The following MEGF9 variants were observed in gnomAD, a reference collection of about 807,000 sequenced individuals.
The protein encoded by MEGF9 is multiple EGF like domains 9.
Under a neutral mutation model 46.8 loss-of-function variants are expected in MEGF9, and 6 were observed. The ratio of observed to expected loss-of-function variants is 0.13; its 90% confidence interval spans 0.07 to 0.25. The LOEUF is 0.25. Ranked by LOEUF, MEGF9 falls within the 10% of genes least tolerant of loss-of-function variation. The pLI is 1.00. For missense variants in MEGF9, 683 were observed against 792.4 expected, an observed-to-expected ratio of 0.86 and a Z score of 1.66; for synonymous variants, 302 against 330.7, an observed-to-expected ratio of 0.91 and a Z score of 0.94.
At chr9:120,613,567 T>TA (rs1430384144) in intron 3 of MEGF9, among the ~76,000 whole-genome samples, 1 of 151,468 alleles carries the variant, frequency 6.6e-6, no homozygotes, top group Admixed American at 6.6e-5. Context: ...AAAGTAAAAA[T>TA]AAAAACAATT....
intron 1 of MEGF9, among the ~76,000 whole-genome samples, chr9:120,661,232 T>C (rs1482952133): frequency 2.0e-5 from 3 of 152,156 alleles, no homozygotes; most frequent in African/African-American, 4.8e-5. Flanking sequence ...AACAAATAAA[T>C]AGACCAGGCA....
intron 2 of MEGF9, among the ~76,000 whole-genome samples, chr9:120,644,304 T>C (rs1359407177): frequency 3.9e-5 from 6 of 152,204 alleles, no homozygotes; most frequent in Non-Finnish European, 7.4e-5. Flanking sequence ...GTCTGATCTC[T>C]TGTCACAATT....
intron 1 of MEGF9, among the ~76,000 whole-genome samples, chr9:120,697,911 T>G (rs755405142): frequency 6.6e-6 from 1 of 152,156 alleles, no homozygotes; most frequent in Non-Finnish European, 1.5e-5. Flanking sequence ...CTGTAACTAC[T>G]AAATGCTTTA....
At chr9:120,710,466 T>C (rs1327535789) in intron 1 of MEGF9, among the ~76,000 whole-genome samples, 1 of 137,272 alleles carries the variant, frequency 7.3e-6, no homozygotes, top group Admixed American at 7.3e-5. Context: ...AGCCAACCAA[T>C]CAGTGAATGT....
chr9:120,706,870 G>T (rs775255023), intron 1 of MEGF9, among the ~76,000 whole-genome samples: 10 of 152,114 alleles, frequency 6.6e-5, no homozygotes, highest in African/African-American at 2.4e-5. Context: ...AGAAAATTCT[G>T]GGAGATGAAT....
At position 120,602,741 on chromosome 9, in the gene MEGF9, C is replaced by T. The variant is rs1430460285; in HGVS notation, c.*2449G>A. 6.6e-6 allele frequency: 1 copy of T among 152,054 alleles called. No homozygotes were observed. The highest frequency in any genetic ancestry group is 2.4e-5 in the African/African-American group (1 of 41,364). The allele number at this position is 152,054 out of a possible 1,614,324, so 9.4% of individuals were successfully genotyped here. ...TTAATAAATGTTCACTTCTCACCACCTTTAATCCTGACCTTTTTTGGGGGG... is the reference window on the plus strand; with the variant it reads ...TTAATAAATGTTCACTTCTCACCACTTTTAATCCTGACCTTTTTTGGGGGG... On this transcript the variant is annotated 3_prime_UTR_variant, in exon 6 of 6. Transcript: ENST00000373930.
At chr9:120,618,268 T>C (rs1373078969) in intron 3 of MEGF9, among the ~76,000 whole-genome samples, 1 of 152,182 alleles carries the variant, frequency 6.6e-6, no homozygotes, top group East Asian at 1.9e-4. Flanking sequence ...TGCTTGGAGC[T>C]GAACTGAGGA....
chr9:120,700,312 A>C (rs1307887255), intron 1 of MEGF9, among the ~76,000 whole-genome samples: 1 of 152,248 alleles, frequency 6.6e-6, no homozygotes, highest in African/African-American at 2.4e-5. Context: ...TTGAAGCAAC[A>C]AACTAACTTA....
intron 2 of MEGF9, among the ~76,000 whole-genome samples, chr9:120,645,666 G>C: frequency 6.6e-6 from 1 of 152,290 alleles, no homozygotes. Context: ...ATGAGGGCCA[G>C]AGCAATTAAT....
intron 1 of MEGF9, among the ~76,000 whole-genome samples, chr9:120,675,887 CAA>C (rs1173047863): frequency 0.023 from 1,340 of 57,982 alleles, 6 homozygotes; most frequent in African/African-American, 0.094. Flanking sequence ...GACTCCATCT[CAA>C]AAAAAAAAAA....
At chr9:120,662,964 A>G (rs2043709328) in intron 1 of MEGF9, among the ~76,000 whole-genome samples, 1 of 152,230 alleles carries the variant, frequency 6.6e-6, no homozygotes, top group Non-Finnish European at 1.5e-5. Context: ...CTTAAAATAC[A>G]TTGGTAAAAA....
At chr9:120,680,743 G>A (rs564542011) in intron 1 of MEGF9, among the ~76,000 whole-genome samples, 6 of 152,122 alleles carry the variant, frequency 3.9e-5, no homozygotes, top group East Asian at 3.9e-4. Context: ...GCTGGCACTC[G>A]CGCCACAATA....
intron 2 of MEGF9, among the ~76,000 whole-genome samples, chr9:120,640,741 G>A (rs990715225): frequency 1.3e-5 from 2 of 151,528 alleles, no homozygotes; most frequent in Non-Finnish European, 2.9e-5. Context: ...TTTTTTCAGG[G>A]GCTACATATG....
chr9:120,649,657 C>A (rs919148026), intron 2 of MEGF9, among the ~76,000 whole-genome samples: 10 of 152,148 alleles, frequency 6.6e-5, no homozygotes, highest in Admixed American at 5.2e-4. Context: ...GTATAGTTCA[C>A]ATTTATTTCA....
intron 2 of MEGF9, among the ~76,000 whole-genome samples, chr9:120,649,122 T>C (rs1036573196): frequency 1.3e-5 from 2 of 152,228 alleles, no homozygotes; most frequent in Non-Finnish European, 2.9e-5. Context: ...TAAATAATTG[T>C]TGTTTTATAC....
intron 2 of MEGF9, among the ~76,000 whole-genome samples, chr9:120,628,775 T>A (rs552540739): frequency 6.6e-6 from 1 of 152,188 alleles, no homozygotes; most frequent in African/African-American, 2.4e-5. Context: ...CAGAGGAAGA[T>A]ATTAGCTCTA....
intron 2 of MEGF9, among the ~76,000 whole-genome samples, chr9:120,632,682 G>A (rs2043555990): frequency 6.6e-6 from 1 of 152,104 alleles, no homozygotes; most frequent in Non-Finnish European, 1.5e-5. Flanking sequence ...CAGTTCTTAG[G>A]GGAAAGGCAT....
chr9:120,691,269 T>C (rs1020472524), intron 1 of MEGF9: 1 of 204,774 alleles, frequency 4.9e-6, no homozygotes, highest in Non-Finnish European at 1.1e-5. Context: ...GATAGGGGTG[T>C]GGATGAGGCA....
chr9:120,620,585 G>C (rs2043494759), intron 3 of MEGF9, among the ~76,000 whole-genome samples: 1 of 152,176 alleles, frequency 6.6e-6, no homozygotes, highest in African/African-American at 2.4e-5. Context: ...TAAGCCTAGA[G>C]CATCAGGAAA....
Sources: gnomAD v4.1 joint callset for allele counts (sites outside exome capture counted in the v4.1 genomes callset) on GRCh38, gnomAD v4.1.1 for gene constraint, MANE v1.5 for transcripts, NCBI Gene and HGNC (gene_info 2026-07-23, HGNC 2026-07-21) for gene names.